EML1: variants seen among roughly 807,000 people sequenced by gnomAD.
The protein encoded by EML1 is echinoderm microtubule-associated protein-like 1.
In EML1, 27 loss-of-function variants were observed where a neutral mutation model predicts 110.4. That is an observed-to-expected ratio of 0.24 (90% confidence interval 0.18 to 0.34). EML1 has a LOEUF of 0.34. Ranked by LOEUF, EML1 falls within the 10% of genes least tolerant of loss-of-function variation. The pLI, the probability that EML1 is intolerant of heterozygous loss-of-function variation, is 1.00. For missense variants in EML1, 741 were observed against 1,030.9 expected, an observed-to-expected ratio of 0.72 and a Z score of 3.85; for synonymous variants, 344 against 385.8, an observed-to-expected ratio of 0.89 and a Z score of 1.27.
At chr14:99,810,932 A>G (rs2058065016) in intron 1 of EML1, among the ~76,000 whole-genome samples, 1 of 152,116 alleles carries the variant, frequency 6.6e-6, no homozygotes, top group Non-Finnish European at 1.5e-5. Flanking sequence ...ATTGCATTGT[A>G]CCCCCTAAAT....
intron 19 of EML1, 82 bp from the exon 20 acceptor site, chr14:99,937,735 G>A (rs894447330): frequency 7.8e-5 from 102 of 1,303,796 alleles, no homozygotes; most frequent in Non-Finnish European, 1.0e-4. Context: ...ACCCAACGGG[G>A]CACAGCTCTG....
intron 1 of EML1, among the ~76,000 whole-genome samples, chr14:99,801,644 A>G (rs1210966148): frequency 6.6e-6 from 1 of 151,978 alleles, no homozygotes. Flanking sequence ...TCTCCTAGTA[A>G]TCATTTTAGA....
At chr14:99,902,544 A>G (rs1030084084) in intron 9 of EML1, among the ~76,000 whole-genome samples, 1 of 152,226 alleles carries the variant, frequency 6.6e-6, no homozygotes, top group Non-Finnish European at 1.5e-5. Context: ...AAGACAAACC[A>G]TAACAGGACT....
chr14:99,894,441 C>A, intron 5 of EML1, 188 bp from the exon 6 acceptor site: 1 of 625,486 alleles, frequency 1.6e-6, no homozygotes. Context: ...ATATCAAAAG[C>A]AAACAAGATG....
intron 4 of EML1, chr14:99,883,182 A>G (rs1164312821): frequency 1.3e-5 from 2 of 152,128 alleles, no homozygotes; most frequent in Non-Finnish European, 2.9e-5. Context: ...ACTTTTCCCC[A>G]GCACAACTTT....
At chr14:99,748,613 G>A (rs980450953) in intron 1 of EML1, among the ~76,000 whole-genome samples, 6 of 151,940 alleles carry the variant, frequency 3.9e-5, no homozygotes, top group Admixed American at 6.6e-5. Flanking sequence ...AGTCATGATC[G>A]CTCCACTGCA....
intron 5 of EML1, 69 bp from the exon 6 acceptor site, chr14:99,894,560 G>A (rs1029199198): frequency 4.4e-5 from 68 of 1,540,098 alleles, no homozygotes; most frequent in Non-Finnish European, 5.9e-5. Flanking sequence ...GGCTAGAGAG[G>A]ATAAAGCATT....
At chr14:99,762,497 A>C (rs2057324791) in intron 1 of EML1, among the ~76,000 whole-genome samples, 1 of 152,150 alleles carries the variant, frequency 6.6e-6, no homozygotes, top group Admixed American at 6.5e-5. Flanking sequence ...TGGAAATACC[A>C]AATGTTGATA....
intron 17 of EML1, among the ~76,000 whole-genome samples, chr14:99,933,956 G>T (rs556880226): frequency 6.6e-6 from 1 of 152,092 alleles, no homozygotes; most frequent in Non-Finnish European, 1.5e-5. Flanking sequence ...TTAGCCAGGC[G>T]CAGTGGCATG....
At chr14:99,937,445 T>C (rs955674401) in intron 19 of EML1, among the ~76,000 whole-genome samples, 7 of 150,690 alleles carry the variant, frequency 4.6e-5, no homozygotes, top group African/African-American at 1.7e-4. Flanking sequence ...CTGAAGGGAC[T>C]GAGGGGTATA....
At chr14:99,846,794 A>G (rs2058713782) in intron 1 of EML1, among the ~76,000 whole-genome samples, 1 of 152,088 alleles carries the variant, frequency 6.6e-6, no homozygotes, top group African/African-American at 2.4e-5. Context: ...CTAACAACTA[A>G]TTTAATGCAT....
At chr14:99,889,084 T>C in intron 4 of EML1, among the ~76,000 whole-genome samples, 1 of 152,138 alleles carries the variant, frequency 6.6e-6, no homozygotes. Flanking sequence ...GCTCAGGGCC[T>C]GGAACTAAGT....
chr14:99,871,523 A>AG (rs1825619822), intron 3 of EML1, among the ~76,000 whole-genome samples: 2 of 152,070 alleles, frequency 1.3e-5, no homozygotes, highest in African/African-American at 4.8e-5. Context: ...AAAGGAAAAA[A>AG]AAAAAAAAGA....
Position 99,936,193 on chromosome 14 carries a change from G to A in EML1, c.2008-54G>A. 6.2e-7 allele frequency: 1 copy of A among 1,612,678 alleles called. No homozygotes were observed. The highest frequency in any genetic ancestry group is 8.5e-7 in the Non-Finnish European group (1 of 1,178,702). ...TATAGTTTAACTACCGTGGAACAGT[G>A]TTGGCAGGGACTTCTAAGGCCAATG... On this transcript the variant is annotated intron_variant, in intron 18 of 21. Transcript: ENST00000262233. The surrounding 1 kb of genome is among the most constrained non-coding windows in gnomAD (Gnocchi z 5.5).
In EML1 at chr14:99,887,284, T is replaced by C. The variant is rs140258986; in HGVS notation, c.519-3915T>C. Reference sequence around the variant, plus strand: ...GCTCTTTCAGCAAATCTCCTTCTTATAAGCAATAAGAACTGTGCTGGAGTT... The same window carrying C: ...GCTCTTTCAGCAAATCTCCTTCTTACAAGCAATAAGAACTGTGCTGGAGTT... On this transcript the variant is annotated intron_variant, in intron 4 of 21. Coordinates refer to ENST00000262233, the MANE Select transcript of EML1 (RefSeq NM_004434.3). Among the ~76,000 whole-genome samples the C allele has an allele frequency of 6.9e-4, 105 of 152,334 alleles. No homozygotes were observed. In the East Asian group the frequency reaches 0.019, roughly 28 times the overall value.
upstream of EML1, among the ~76,000 whole-genome samples, chr14:99,792,061 C>G (rs2057680691): frequency 6.6e-6 from 1 of 152,202 alleles, no homozygotes; most frequent in Admixed American, 6.5e-5. Flanking sequence ...TCTTAAACTT[C>G]TCCCTCTGCC....
chr14:99,768,102 C>T (rs1411292542), upstream of EML1, among the ~76,000 whole-genome samples: 1 of 152,308 alleles, frequency 6.6e-6, no homozygotes, highest in Non-Finnish European at 1.5e-5. Flanking sequence ...TTCCCAGTGG[C>T]TTCTCCCAGA....
Position 99,905,935 on chromosome 14 carries a change from C to CCA in EML1, c.1009-1702_1009-1701insAC, listed in dbSNP as rs1555402954. ...TCCTTTGCCCAGGTGTGTGCCCCCCCCTTACCCAAAATCAGCCATTCGGTG... is the reference window on the plus strand; with the variant it reads ...TCCTTTGCCCAGGTGTGTGCCCCCCCCACTTACCCAAAATCAGCCATTCGGTG... On this transcript the variant is annotated intron_variant, in intron 9 of 21. Transcript: ENST00000262233. The surrounding 1 kb of genome is among the most constrained non-coding windows in gnomAD (Gnocchi z 4.1). Among the ~76,000 whole-genome samples, 5 of 151,484 alleles carry CCA rather than the reference C, an allele frequency of 3.3e-5. No homozygotes were observed. Among genetic ancestry groups the CCA allele is most frequent in the African/African-American group, 1.2e-4 (5 of 41,218 alleles).
At chr14:99,739,065 A>AGTGTGTGTGTGT (rs35246718) in intron 1 of EML1, among the ~76,000 whole-genome samples, 10,225 of 138,864 alleles carry the variant, frequency 0.074, 428 homozygotes, top group East Asian at 0.15. Context: ...AGAGTGTGAG[A>AGTGTGTGTGTGT]GTGTGTGTGT....
Sources: gnomAD v4.1 joint callset for allele counts (sites outside exome capture counted in the v4.1 genomes callset) on GRCh38, gnomAD v4.1.1 for gene constraint, Gnocchi (gnomAD v3.1) non-coding constraint, MANE v1.5 for transcripts, NCBI Gene and HGNC (gene_info 2026-07-23, HGNC 2026-07-21) for gene names.